PPARGC1A: variants seen among roughly 807,000 people sequenced by gnomAD.
PPARGC1A encodes peroxisome proliferator-activated receptor gamma coactivator 1-alpha.
A neutral mutation model predicts 88.7 loss-of-function variants in PPARGC1A; 25 were observed. The ratio of observed to expected loss-of-function variants is 0.28; its 90% CI spans 0.21 to 0.39. The LOEUF is 0.39. Among genes scored for constraint, PPARGC1A ranks in the 10% least tolerant of loss-of-function variants. The pLI, the probability that PPARGC1A is intolerant of heterozygous loss-of-function variation, is 1.00. For missense variants in PPARGC1A, 880 were observed against 968.7 expected (o/e 0.91, Z 1.22); for synonymous variants, 363 against 355.6 (o/e 1.02, Z -0.24).
chr4:24,222,219 T>C, the PPARGC1A span, among the ~76,000 whole-genome samples: 1 of 152,148 alleles, frequency 6.6e-6, no homozygotes, highest in Admixed American at 6.5e-5. Flanking sequence ...TAGCATAGAG[T>C]AGAAAGTCCT....
chr4:24,163,386 C>T, the PPARGC1A span, among the ~76,000 whole-genome samples: 1 of 152,062 alleles, frequency 6.6e-6, no homozygotes, highest in African/African-American at 2.4e-5. Flanking sequence ...GTCCTGAATA[C>T]ACAGCCCTGT....
the PPARGC1A span, among the ~76,000 whole-genome samples, chr4:23,997,205 T>G: frequency 2.2e-3 from 342 of 152,254 alleles, 3 homozygotes; most frequent in Non-Finnish European, 1.3e-3. Context: ...CTTTCCCTTG[T>G]AAGCTTCATG....
the PPARGC1A span, among the ~76,000 whole-genome samples, chr4:24,040,760 C>T: frequency 2.6e-5 from 4 of 152,298 alleles, no homozygotes; most frequent in Non-Finnish European, 2.9e-5. Flanking sequence ...GAATAAATTA[C>T]TATTTTTCCT....
chr4:23,963,427 G>A, the PPARGC1A span, among the ~76,000 whole-genome samples: 9 of 152,186 alleles, frequency 5.9e-5, no homozygotes, highest in Non-Finnish European at 1.2e-4. Context: ...GAGTGAATGA[G>A]TGACTTTTGG....
At chr4:24,344,541 A>G in the PPARGC1A span, among the ~76,000 whole-genome samples, 1,930 of 151,022 alleles carry the variant, frequency 0.013, 25 homozygotes, top group Non-Finnish European at 0.014. Context: ...GGCCATTTGT[A>G]TATCTTCTTT....
chr4:24,180,137 A>T, the PPARGC1A span, among the ~76,000 whole-genome samples: 3 of 152,212 alleles, frequency 2.0e-5, no homozygotes, highest in African/African-American at 7.2e-5. Context: ...TTTTAGTATC[A>T]TTTACATATA....
At chr4:24,233,510 C>T in the PPARGC1A span, among the ~76,000 whole-genome samples, 3 of 152,014 alleles carry the variant, frequency 2.0e-5, no homozygotes, top group Admixed American at 6.6e-5. Flanking sequence ...ACATTCTACA[C>T]ATACCAGACT....
the PPARGC1A span, among the ~76,000 whole-genome samples, chr4:23,974,757 C>A: frequency 6.8e-6 from 1 of 147,470 alleles, no homozygotes; most frequent in Non-Finnish European, 1.5e-5. Flanking sequence ...CTCGGCCTCC[C>A]GAGTAGCTGG....
chr4:24,288,312 C>T, the PPARGC1A span, among the ~76,000 whole-genome samples: 1 of 152,206 alleles, frequency 6.6e-6, no homozygotes, highest in Non-Finnish European at 1.5e-5. Flanking sequence ...GCTTTGAACA[C>T]ATGGTCCTAG....
chr4:24,227,467 C>T, the PPARGC1A span, among the ~76,000 whole-genome samples: 1 of 152,012 alleles, frequency 6.6e-6, no homozygotes, highest in African/African-American at 2.4e-5. Context: ...CCAAGAAATC[C>T]AGGTTGTTGA....
chr4:24,197,190 AG>A, the PPARGC1A span, among the ~76,000 whole-genome samples: 1 of 151,480 alleles, frequency 6.6e-6, no homozygotes, highest in African/African-American at 2.5e-5. Context: ...GGGGGGATCA[AG>A]GAGGACAGTG....
At chr4:23,964,028 C>T in the PPARGC1A span, among the ~76,000 whole-genome samples, 1 of 152,148 alleles carries the variant, frequency 6.6e-6, no homozygotes, top group Non-Finnish European at 1.5e-5. Context: ...TAAGGGAAAA[C>T]CTTACACAGT....
chr4:24,313,623 A>ACCAG, the PPARGC1A span, among the ~76,000 whole-genome samples: 2 of 152,242 alleles, frequency 1.3e-5, no homozygotes, highest in African/African-American at 4.8e-5. Flanking sequence ...TCAAAAGTCA[A>ACCAG]ACAAGAGAAG....
chr4:24,308,857 T>C, the PPARGC1A span, among the ~76,000 whole-genome samples: 1 of 152,130 alleles, frequency 6.6e-6, no homozygotes, highest in African/African-American at 2.4e-5. Context: ...CCCAGAGTCA[T>C]CCAGCTAATT....
the PPARGC1A span, among the ~76,000 whole-genome samples, chr4:24,050,332 A>T: frequency 6.6e-6 from 1 of 151,622 alleles, no homozygotes; most frequent in Non-Finnish European, 1.5e-5. Context: ...AGTAGCTGGA[A>T]TTACAGGCGC....
At chr4:23,799,849 G>A (rs1267912264) in intron 12 of PPARGC1A, among the ~76,000 whole-genome samples, 1 of 152,104 alleles carries the variant, frequency 6.6e-6, no homozygotes, top group Admixed American at 6.6e-5. Context: ...GATGTTTTGA[G>A]AGACTAGAAA....
At chr4:24,369,119 A>C in the PPARGC1A span, among the ~76,000 whole-genome samples, 3 of 152,272 alleles carry the variant, frequency 2.0e-5, no homozygotes, top group Admixed American at 6.5e-5. Context: ...AGCAAATTTG[A>C]GATCAGCATT....
chr4:24,254,568 T>C, the PPARGC1A span, among the ~76,000 whole-genome samples: 1 of 152,232 alleles, frequency 6.6e-6, no homozygotes, highest in African/African-American at 2.4e-5. Flanking sequence ...GACATCCTGC[T>C]TAATTTCACC....
intron 2 of PPARGC1A, chr4:23,881,998 G>C (rs1471897005): frequency 6.6e-6 from 1 of 152,206 alleles, no homozygotes; most frequent in African/African-American, 2.4e-5. Flanking sequence ...TGTCACCTGT[G>C]CTGAAAACAC....
Sources: gnomAD v4.1 joint callset for allele counts (sites outside exome capture counted in the v4.1 genomes callset) on GRCh38, gnomAD v4.1.1 for gene constraint, MANE v1.5 for transcripts, NCBI Gene and HGNC (gene_info 2026-07-23, HGNC 2026-07-21) for gene names.